Variants in EPHA4 observed in about 807,000 individuals in gnomAD.
EPHA4 encodes EPH receptor A4, also known as ephrin type-A receptor 4.
EPHA4 carries 19 observed loss-of-function variants against 108.3 expected under a neutral mutation model. The observed-to-expected ratio is 0.18, with a 90% CI of 0.12 to 0.26. EPHA4 has a LOEUF of 0.26. Ranked by LOEUF, EPHA4 falls within the 10% of genes least tolerant of loss-of-function variation. The probability of loss-of-function intolerance (pLI) is 1.00; values close to 1 mark genes in which losing one functional copy is unlikely to be tolerated. For missense variants in EPHA4, 917 were observed against 1,254.0 expected (o/e 0.73, Z 4.06); for synonymous variants, 449 against 455.5 (o/e 0.99, Z 0.18).
intron 5 of EPHA4, among the ~76,000 whole-genome samples, chr2:221,472,971 G>A (rs190773633): frequency 6.7e-4 from 102 of 152,216 alleles, no homozygotes; most frequent in African/African-American, 2.0e-3. Flanking sequence ...CTATATAGGC[G>A]GACATTTTGA....
chr2:221,426,051 G>T lies in EPHA4; in HGVS notation c.2938C>A (p.His980Asn). 1 of 1,614,072 alleles carries T rather than the reference G, an allele frequency of 6.2e-7. No individual in the cohort carries two copies. The highest frequency in any genetic ancestry group is 8.5e-7 in the Non-Finnish European group (1 of 1,179,986). Residue 980 changes from histidine to asparagine, a missense_variant, in exon 17 of 18, where the codon CAC becomes AAC. His to Asn is a moderately conservative substitution (Grantham distance 68). This residue lies in a region of EPHA4 where 26 missense variants were observed against 44.4 expected (regional missense o/e 0.59). Coordinates refer to ENST00000281821, the MANE Select transcript of EPHA4 (RefSeq NM_004438.5). ...QAMRTQMQQM[H>N]GRMVPV ...GCTCAGACGGGAACCATTCTGCCGT[G>T]CATCTGCTGCATTTGGGTTCGCATT...
intron 14 of EPHA4, among the ~76,000 whole-genome samples, chr2:221,433,653 T>C (rs1328878336): frequency 2.0e-5 from 3 of 152,242 alleles, no homozygotes; most frequent in Non-Finnish European, 2.9e-5. Context: ...TAAAGGGATG[T>C]GCATAATTTA....
rs752325084 is a variant in EPHA4 at position 221,482,401 on chromosome 2, G to A, written c.1269C>T (p.Asn423=). The stretch of plus-strand genomic sequence containing the variant: ...CAGAAACTGATTGGTCTGGGTTAGG[G>A]TTATATTTGGACACTCCATTCACAG... ...IWAVNGVSKY[N]PNPDQSVSVT... The change falls in exon 5 of 18, where the codon AAC becomes AAT. Residue 423 remains asparagine (N), a synonymous_variant. Coordinates refer to ENST00000281821, the MANE Select transcript of EPHA4 (RefSeq NM_004438.5). The A allele has an allele frequency of 6.2e-7, 1 of 1,613,942 alleles. No individual in the cohort carries two copies. The highest frequency in any genetic ancestry group is 8.5e-7 in the Non-Finnish European group (1 of 1,179,922).
At chr2:221,430,298 C>T in intron 14 of EPHA4, 147 bp from the exon 15 acceptor site, 1 of 742,632 alleles carries the variant, frequency 1.3e-6, no homozygotes, top group Non-Finnish European at 2.2e-6. Flanking sequence ...TGAGCCAAAG[C>T]TAGACCTGAG....
At chr2:221,451,120 A>G (rs967601934) in intron 8 of EPHA4, among the ~76,000 whole-genome samples, 1 of 152,170 alleles carries the variant, frequency 6.6e-6, no homozygotes, top group African/African-American at 2.4e-5. Flanking sequence ...AGGCTGAGGC[A>G]TGAGAATCAC....
intron 3 of EPHA4, among the ~76,000 whole-genome samples, chr2:221,512,063 G>T (rs1020509892): frequency 6.6e-6 from 1 of 151,984 alleles, no homozygotes. Context: ...ATATTAATTT[G>T]ATTTTCAATA....
chr2:221,462,517 T>G (rs189862748), intron 5 of EPHA4, among the ~76,000 whole-genome samples: 1 of 152,128 alleles, frequency 6.6e-6, no homozygotes, highest in Non-Finnish European at 1.5e-5. Flanking sequence ...ATAAAAGTTT[T>G]TACATATTAA....
At chr2:221,422,078 A>AC (rs1689777043) in intron 17 of EPHA4, 1 of 151,976 alleles carries the variant, frequency 6.6e-6, no homozygotes, top group Admixed American at 6.6e-5. Flanking sequence ...CATCTTTAAA[A>AC]AAAAAAAAAA....
rs553617172 is a variant in EPHA4, at chr2:221,530,574, T to C, written c.824-29402A>G. On this transcript the variant is annotated intron_variant, in intron 3 of 17. Transcript: ENST00000281821. ...AGCACCCTGCAAGAAGTAGGGGGACTGGGGGCCCATGGACCTCCTGGACAT... is the reference window on the plus strand; with the variant it reads ...AGCACCCTGCAAGAAGTAGGGGGACCGGGGGCCCATGGACCTCCTGGACAT... Among the ~76,000 whole-genome samples, 5 of 152,276 alleles carry C rather than the reference T, an allele frequency of 3.3e-5. No individual in the cohort carries two copies. In the East Asian group the frequency reaches 9.7e-4, roughly 29 times the overall value.
At chr2:221,570,363 GTC>G (rs1694794482) in intron 1 of EPHA4, among the ~76,000 whole-genome samples, 2 of 151,878 alleles carry the variant, frequency 1.3e-5, no homozygotes, top group African/African-American at 2.4e-5. Flanking sequence ...AAAGAAAACA[GTC>G]TCTACATCTG....
intron 2 of EPHA4, among the ~76,000 whole-genome samples, chr2:221,565,604 G>A (rs912281596): frequency 6.6e-6 from 1 of 152,126 alleles, no homozygotes; most frequent in African/African-American, 2.4e-5. Context: ...TCCCAACTAT[G>A]CACTGGCAAA....
chr2:221,453,648 T>A (rs886525439), intron 8 of EPHA4, among the ~76,000 whole-genome samples: 1 of 152,204 alleles, frequency 6.6e-6, no homozygotes, highest in African/African-American at 2.4e-5. Context: ...TTTTTGTATG[T>A]GTGTGTATTA....
At chr2:221,508,917 T>C (rs1254818465) in intron 3 of EPHA4, among the ~76,000 whole-genome samples, 2 of 152,208 alleles carry the variant, frequency 1.3e-5, no homozygotes, top group African/African-American at 2.4e-5. Flanking sequence ...GTTTCACAAG[T>C]ATTAAATAAC....
intron 17 of EPHA4, among the ~76,000 whole-genome samples, chr2:221,421,370 C>T (rs1336227138): frequency 6.6e-6 from 1 of 152,020 alleles, no homozygotes; most frequent in Non-Finnish European, 1.5e-5. Context: ...TTTTTCTTAA[C>T]AAGAGAGTAA....
chr2:221,563,835 T>G lies in EPHA4; in HGVS notation c.719A>C (p.Lys240Thr). Residue 240 changes from lysine (K) to threonine (T), a missense_variant, in exon 3 of 18, where the codon AAA (lysine) becomes ACA (threonine). Physicochemically the swap from Lys to Thr is moderately conservative, Grantham distance 78 (BLOSUM62 -1). Around this residue, in one of 3 missense-constraint regions of EPHA4, gnomAD observed 758 missense variants for 1,076.7 expected, o/e 0.70. Coordinates refer to ENST00000281821, the MANE Select transcript of EPHA4 (RefSeq NM_004438.5). The part of the protein sequence containing the change: ...RGSCVNNSEE[K>T]DVPKMYCGAD... ...CCCACAGTACATTTTTGGCACATCT[T>G]TCTCTTCTGAGTTGTTGACACAGGA... 2 of 1,614,216 alleles carry G rather than the reference T, an allele frequency of 1.2e-6. No homozygotes were observed. The highest frequency in any genetic ancestry group is 8.5e-7 in the Non-Finnish European group (1 of 1,180,028).
chr2:221,470,591 A>C (rs1691451580), intron 5 of EPHA4, among the ~76,000 whole-genome samples: 1 of 69,840 alleles, frequency 1.4e-5, no homozygotes, highest in Non-Finnish European at 2.8e-5. Flanking sequence ...GCTTTTCCCT[A>C]AAGTATCACT....
chr2:221,427,949 G>T (rs12623122), intron 15 of EPHA4, among the ~76,000 whole-genome samples: 116,089 of 152,022 alleles, frequency 0.76, 45,096 homozygotes, highest in East Asian at 1. Flanking sequence ...ATTGTAACCT[G>T]TCTTTTGTGT....
chr2:221,468,105 C>G (rs769584906), intron 5 of EPHA4, among the ~76,000 whole-genome samples: 2 of 151,986 alleles, frequency 1.3e-5, no homozygotes, highest in African/African-American at 2.4e-5. Context: ...TGACAGTTAT[C>G]TAGTGTTTCC....
At chr2:221,530,792 G>A (rs1213295224) in intron 3 of EPHA4, among the ~76,000 whole-genome samples, 1 of 152,050 alleles carries the variant, frequency 6.6e-6, no homozygotes, top group East Asian at 1.9e-4. Context: ...TGGTCTGCAG[G>A]GGGTCAGTGC....
Sources: allele counts gnomAD v4.1 joint callset (sites outside exome capture counted in the v4.1 genomes callset), GRCh38; gene constraint gnomAD v4.1.1; regional missense constraint gnomAD v4.1.1; transcripts MANE v1.5; gene names NCBI Gene and HGNC (gene_info 2026-07-23, HGNC 2026-07-21).